LARS1: variants seen among roughly 807,000 people sequenced by gnomAD.
LARS1 encodes leucine--tRNA ligase, cytoplasmic.
In LARS1, 100 loss-of-function variants were observed where a neutral mutation model predicts 162.8. That is an observed-to-expected ratio of 0.61 (90% CI 0.52 to 0.73). LARS1 has a LOEUF of 0.73. Ranked by LOEUF, LARS1 falls within the 30% of genes least tolerant of loss-of-function variation. LARS1 has a pLI of 0.00. For missense variants in LARS1, 1,258 were observed against 1,408.9 expected (o/e 0.89, Z 1.71); for synonymous variants, 457 against 462.8 (o/e 0.99, Z 0.16).
Position 146,182,539 on chromosome 5 carries a change from G to T in LARS1, c.-46C>A. The T allele has an allele frequency of 6.2e-7, 1 of 1,613,772 alleles. No individual in the cohort carries two copies. The highest frequency in any genetic ancestry group is 8.5e-7 in the Non-Finnish European group (1 of 1,179,854). Reference sequence around the variant, plus strand: ...GCAAATCCACGACAATGACCCTGGCGACCTCCACAAAGGAGTGGTTACCTT... The same window carrying T: ...GCAAATCCACGACAATGACCCTGGCTACCTCCACAAAGGAGTGGTTACCTT... On this transcript the variant is annotated 5_prime_UTR_variant, in exon 1 of 32. Coordinates refer to ENST00000394434, the MANE Select transcript of LARS1 (RefSeq NM_020117.11).
intron 25 of LARS1, among the ~76,000 whole-genome samples, chr5:146,129,776 CT>C (rs1351647289): frequency 6.6e-6 from 1 of 152,154 alleles, no homozygotes; most frequent in Admixed American, 6.5e-5. Flanking sequence ...TTATATCTTT[CT>C]CAATATTTTC....
rs929475560 is a variant in LARS1 at position 146,143,410 on chromosome 5, A to G, written c.1877+2T>C. ...GCTCCTTTCCCTTATCTGTTTACCAACCTAATGCCCAGCGGAGACTCTGCC... is the reference window on the plus strand; with the variant it reads ...GCTCCTTTCCCTTATCTGTTTACCAGCCTAATGCCCAGCGGAGACTCTGCC... On this transcript the variant is annotated splice_donor_variant, in intron 19 of 31. Coordinates refer to ENST00000394434, the MANE Select transcript of LARS1 (RefSeq NM_020117.11). LOFTEE classifies it high-confidence loss of function. 6 of 1,611,134 alleles carry G rather than the reference A, an allele frequency of 3.7e-6. No homozygotes were observed. Among genetic ancestry groups the G allele is most frequent in the Non-Finnish European group, 4.2e-6 (5 of 1,178,104 alleles).
intron 7 of LARS1, among the ~76,000 whole-genome samples, chr5:146,159,956 A>C (rs1157732971): frequency 6.6e-6 from 1 of 152,118 alleles, no homozygotes; most frequent in Non-Finnish European, 1.5e-5. Flanking sequence ...AGATAATAAA[A>C]GCCCACCCTC....
chr5:146,170,397 G>T (rs1268264519), intron 4 of LARS1, among the ~76,000 whole-genome samples: 4 of 151,946 alleles, frequency 2.6e-5, no homozygotes, highest in African/African-American at 9.7e-5. Flanking sequence ...TTGAACTTGG[G>T]AGGCAGATGT....
chr5:146,134,550 T>G (rs1752426293), intron 22 of LARS1, among the ~76,000 whole-genome samples: 1 of 152,216 alleles, frequency 6.6e-6, no homozygotes, highest in Admixed American at 6.5e-5. Flanking sequence ...GATAGTGCAT[T>G]TCTTCTCTTG....
chr5:146,134,009 T>C (rs1474932802), intron 22 of LARS1, among the ~76,000 whole-genome samples: 1 of 152,166 alleles, frequency 6.6e-6, no homozygotes, highest in Non-Finnish European at 1.5e-5. Context: ...CACGCCCGGC[T>C]AATTTTGTAC....
chr5:146,182,386 T>A (rs527670809), intron 1 of LARS1, 102 bp downstream of exon 1: 4 of 1,510,312 alleles, frequency 2.6e-6, no homozygotes, highest in Middle Eastern at 1.7e-4. Flanking sequence ...CGTGGCTCTC[T>A]TTTAGAAAAG....
At chr5:146,165,575 T>G (rs1435088065) in intron 5 of LARS1, among the ~76,000 whole-genome samples, 3 of 152,022 alleles carry the variant, frequency 2.0e-5, no homozygotes, top group Non-Finnish European at 2.9e-5. Flanking sequence ...TGTAAATTTT[T>G]AAAAAATTCA....
intron 2 of LARS1, among the ~76,000 whole-genome samples, chr5:146,174,589 T>TATATATATATCCATATATGTATATATCC (rs1754464876): frequency 8.1e-4 from 4 of 4,922 alleles, no homozygotes; most frequent in African/African-American, 1.0e-3. Flanking sequence ...TATATATCCA[T>TATATATATATCCATATATGTATATATCC]ATATATATAT....
At chr5:146,137,442 G>A (rs553077377) in intron 21 of LARS1, among the ~76,000 whole-genome samples, 42 of 152,132 alleles carry the variant, frequency 2.8e-4, no homozygotes, top group African/African-American at 1.0e-3. Context: ...ACCTCCTACT[G>A]AGGATATTGA....
In LARS1 at chr5:146,120,367, T is replaced by C. The variant is rs1406008885; in HGVS notation, c.3325+4A>G. The C allele has an allele frequency of 1.2e-6, 2 of 1,612,754 alleles. No individual in the cohort carries two copies. The highest frequency in any genetic ancestry group is 1.7e-5 in the Admixed American group (1 of 59,944). On this transcript the variant is annotated splice_donor_region_variant and intron_variant, in intron 31 of 31. Coordinates refer to ENST00000394434, the MANE Select transcript of LARS1 (RefSeq NM_020117.11). ...ACAAATGGGAGTTTTGGGGAACAAC[T>C]TACCTTTAATTCCTCGATTCATTTT...
At chr5:146,167,840 T>TACGCCCGGCTA (rs1754085741) in intron 5 of LARS1, among the ~76,000 whole-genome samples, 1 of 141,392 alleles carries the variant, frequency 7.1e-6, no homozygotes, top group African/African-American at 2.7e-5. Flanking sequence ...ACGACCGGCT[T>TACGCCCGGCTA]ACGCCCGGCT....
chr5:146,179,016 G>A (rs1310044504), intron 1 of LARS1, among the ~76,000 whole-genome samples: 1 of 152,114 alleles, frequency 6.6e-6, no homozygotes, highest in Admixed American at 6.6e-5. Context: ...TGGATCACCT[G>A]AGGCTACGAG....
chr5:146,174,144 T>TTAAAAA (rs1754400553), intron 2 of LARS1, among the ~76,000 whole-genome samples: 1 of 89,136 alleles, frequency 1.1e-5, no homozygotes, highest in Non-Finnish European at 2.0e-5. Context: ...CTTTTTCTCT[T>TTAAAAA]AAAAAAAAAA....
chr5:146,159,560 T>A lies in LARS1; in HGVS notation c.708-90A>T, dbSNP rs13182567. 240,704 of 911,072 alleles carry A rather than the reference T, an allele frequency of 0.26. 35,755 individuals carry two copies. The highest frequency in any genetic ancestry group is 0.41 in the Admixed American group (20,669 of 50,602). The allele number at this position is 911,072 out of a possible 1,614,324, so 56.4% of individuals were successfully genotyped here. ...CCTGTGTTGCACCTAATTTCTTACA[T>A]GTCTTGCAACTAGAATTTCTGAGTA... On this transcript the variant is annotated intron_variant, in intron 7 of 31. Transcript: ENST00000394434.
intron 22 of LARS1, among the ~76,000 whole-genome samples, chr5:146,134,025 A>G (rs1270302646): frequency 6.6e-6 from 1 of 152,054 alleles, no homozygotes. Context: ...TGTACTTTTA[A>G]TAGAGACAGG....
At position 146,143,429 on chromosome 5, in the gene LARS1, C is replaced by T. The variant is rs146906828; in HGVS notation, c.1860G>A (p.Glu620=). The T allele has an allele frequency of 2.1e-4, 341 of 1,613,076 alleles. 2 individuals are homozygous for T. In the East Asian group the frequency reaches 2.7e-3, roughly 13 times the overall value. Residue 620 remains glutamate, a synonymous_variant, in exon 19 of 32, where the codon GAG becomes GAA. Transcript: ENST00000394434. ...LQGGNLHGQA[E]SPLGIRPQQM... Reference sequence around the variant, plus strand: ...TTACCAACCTAATGCCCAGCGGAGACTCTGCCTGTCCATGCAAGTTACCCC... The same window carrying T: ...TTACCAACCTAATGCCCAGCGGAGATTCTGCCTGTCCATGCAAGTTACCCC...
chr5:146,129,480 C>T (rs772317058), intron 25 of LARS1, among the ~76,000 whole-genome samples: 2 of 152,102 alleles, frequency 1.3e-5, no homozygotes, highest in South Asian at 2.1e-4. Flanking sequence ...TATTCAAGTA[C>T]GGTTATTTGG....
Position 146,182,527 on chromosome 5 carries a change from A to C in LARS1, c.-34T>G, listed in dbSNP as rs1754918697. ...CCAGCCGACTGTGCAAATCCACGAC[A>C]ATGACCCTGGCGACCTCCACAAAGG... On this transcript the variant is annotated 5_prime_UTR_variant, in exon 1 of 32. The change creates a new upstream start codon in the 5' untranslated region. Transcript: ENST00000394434. 1 of 1,613,500 alleles carries C rather than the reference A, an allele frequency of 6.2e-7. No homozygotes were observed. The highest frequency in any genetic ancestry group is 1.3e-5 in the African/African-American group (1 of 74,766).
Sources: allele counts gnomAD v4.1 joint callset (sites outside exome capture counted in the v4.1 genomes callset), GRCh38; gene constraint gnomAD v4.1.1; transcripts MANE v1.5; gene names NCBI Gene and HGNC (gene_info 2026-07-23, HGNC 2026-07-21).